Variants in BIN1 observed in about 807,000 individuals in gnomAD.
BIN1 encodes myc box-dependent-interacting protein 1.
In BIN1, 53 loss-of-function variants were observed where a neutral mutation model predicts 82.0. The observed-to-expected ratio is 0.65, with a 90% confidence interval of 0.52 to 0.81. BIN1 has a LOEUF of 0.81. Among genes scored for constraint, BIN1 ranks in the 40% least tolerant of loss-of-function variants. BIN1 has a pLI of 0.00. For missense variants in BIN1, 642 were observed against 784.4 expected (o/e 0.82, Z 2.17); for synonymous variants, 302 against 328.0 (o/e 0.92, Z 0.86).
chr2:127,106,986 G>A lies in BIN1; in HGVS notation c.-43C>T, dbSNP rs1357893566. On this transcript the variant is annotated 5_prime_UTR_variant, in exon 1 of 19. Coordinates refer to ENST00000316724, the MANE Select transcript of BIN1 (RefSeq NM_139343.3). ...CCGGTGGCAGGGGCCGCTCTCGCGC[G>A]GGGAGATCTTGCGCGCCGCGCTCCC... 8 of 1,577,390 alleles carry A rather than the reference G, an allele frequency of 5.1e-6. No homozygotes were observed. The East Asian group carries it at 1.5e-4, about 29-fold the overall frequency.
chr2:127,048,374 C>A lies in BIN1; in HGVS notation c.*152G>T, dbSNP rs1682439208. 2 of 723,056 alleles carry A rather than the reference C, an allele frequency of 2.8e-6. No homozygotes were observed. The highest frequency in any genetic ancestry group is 2.3e-6 in the Non-Finnish European group (1 of 431,496). The allele number at this position is 723,056 out of a possible 1,614,324, so 44.8% of individuals were successfully genotyped here. On this transcript the variant is annotated 3_prime_UTR_variant, in exon 19 of 19. Coordinates refer to ENST00000316724, the MANE Select transcript of BIN1 (RefSeq NM_139343.3). Reference sequence around the variant, plus strand: ...GCGGCTCTTTGGAAAACGACCTAATCTTTGGGAGAACGCCCCTCTGCCTGG... The same window carrying A: ...GCGGCTCTTTGGAAAACGACCTAATATTTGGGAGAACGCCCCTCTGCCTGG...
At chr2:127,050,393 C>T (rs776310891) in intron 18 of BIN1, 28 bp downstream of exon 18, 36 of 1,611,948 alleles carry the variant, frequency 2.2e-5, no homozygotes, top group South Asian at 3.3e-5. Flanking sequence ...GGTCCCCCTG[C>T]GCTCTGGCGG....
intron 1 of BIN1, among the ~76,000 whole-genome samples, chr2:127,099,411 C>A (rs1410507860): frequency 1.3e-5 from 2 of 152,006 alleles, no homozygotes; most frequent in African/African-American, 2.4e-5. Context: ...TCTTTCCCCC[C>A]CAGGAACATT....
At chr2:127,077,591 C>T (rs2105153556) in intron 1 of BIN1, among the ~76,000 whole-genome samples, 1 of 152,266 alleles carries the variant, frequency 6.6e-6, no homozygotes. Flanking sequence ...TCCTCCAATC[C>T]CAGAGCTCCA....
chr2:127,073,452 C>G (rs1294124139), intron 2 of BIN1, among the ~76,000 whole-genome samples: 1 of 152,190 alleles, frequency 6.6e-6, no homozygotes, highest in African/African-American at 2.4e-5. Context: ...AGCTACAGGA[C>G]TTGGGGGAGT....
At chr2:127,106,832 G>A (rs771424261) in intron 1 of BIN1, 28 bp downstream of exon 1, 1 of 1,577,586 alleles carries the variant, frequency 6.3e-7, no homozygotes, top group African/African-American at 1.4e-5. Context: ...CTGGGACTCC[G>A]CGGCTGCTGG....
intron 2 of BIN1, among the ~76,000 whole-genome samples, chr2:127,071,579 G>T (rs1685902514): frequency 6.6e-6 from 1 of 152,152 alleles, no homozygotes; most frequent in South Asian, 2.1e-4. Flanking sequence ...GTCCCTCTGG[G>T]ACATCAAAAC....
At chr2:127,056,950 C>G (rs1683759053) in intron 12 of BIN1, among the ~76,000 whole-genome samples, 1 of 152,226 alleles carries the variant, frequency 6.6e-6, no homozygotes, top group African/African-American at 2.4e-5. Context: ...GGGAGAGACC[C>G]AAGCCCCCCT....
At chr2:127,051,097 G>A (rs1048747444) in intron 16 of BIN1, 57 bp downstream of exon 16, 53 of 1,601,608 alleles carry the variant, frequency 3.3e-5, no homozygotes, top group Admixed American at 5.0e-5. Context: ...GGGGAGCCCC[G>A]GACAGGCAGG....
intron 13 of BIN1, chr2:127,053,673 AG>A (rs1250878329): frequency 1.4e-6 from 1 of 724,334 alleles, no homozygotes; most frequent in East Asian, 2.7e-5. Flanking sequence ...CCAAGCGATG[AG>A]CACAAAGTTG....
intron 18 of BIN1, among the ~76,000 whole-genome samples, chr2:127,049,909 A>G (rs540174032): frequency 2.9e-4 from 44 of 152,318 alleles, no homozygotes; most frequent in Middle Eastern, 3.4e-3. Context: ...TCAGCCGGGG[A>G]CACAGCTGGG....
chr2:127,086,279 T>C (rs1203432439), intron 1 of BIN1, among the ~76,000 whole-genome samples: 1 of 152,100 alleles, frequency 6.6e-6, no homozygotes, highest in Non-Finnish European at 1.5e-5. Context: ...ACACAGACAC[T>C]GGGGGGAGCG....
rs560475985 is a variant in BIN1, at chr2:127,082,432, A to C, written c.85-5726T>G. ...GCACTCAGCTGGGGATACCAGGGAC[A>C]TCGCAGGACAAGTCTGCACCGAGAC... On this transcript the variant is annotated intron_variant, in intron 1 of 18. Transcript: ENST00000316724. This position sits in a 1 kb window ranked among gnomAD's most constrained non-coding sequence, Gnocchi z 6.1. Among the ~76,000 whole-genome samples, 16 of 152,200 alleles carry C rather than the reference A, an allele frequency of 1.1e-4. No individual in the cohort carries two copies. The highest frequency in any genetic ancestry group is 3.9e-4 in the African/African-American group (16 of 41,520).
In BIN1 at chr2:127,051,216, C is replaced by T. The variant is rs772939462; in HGVS notation, c.1399G>A (p.Gly467Arg). 1.9e-6 allele frequency: 3 copies of T among 1,613,644 alleles called. No homozygotes were observed. The highest frequency in any genetic ancestry group is 1.7e-5 in the Admixed American group (1 of 60,008). The stretch of plus-strand genomic sequence containing the variant: ...TGGGCTCCAGCCGCAGGTTGGGTCC[C>T]ACCCGCCACCTCCGAGGCCTCTGCT... ...QPAEASEVAG[G>R]TQPAAGAQEP... Residue 467 changes from glycine to arginine, a missense_variant, in exon 16 of 19, where the codon GGG becomes AGG. Transcript: ENST00000316724.
chr2:127,052,454 C>A, intron 14 of BIN1, 92 bp from the exon 15 acceptor site: 2 of 1,269,282 alleles, frequency 1.6e-6, no homozygotes, highest in Non-Finnish European at 2.2e-6. Context: ...GAGAAAATGT[C>A]ACCAGCGGCT....
At chr2:127,103,605 A>G (rs1680626907) in intron 1 of BIN1, among the ~76,000 whole-genome samples, 1 of 152,126 alleles carries the variant, frequency 6.6e-6, no homozygotes, top group African/African-American at 2.4e-5. Flanking sequence ...AGAAAGGCCC[A>G]GCTCCGTCAG....
rs1558806483 is a variant in BIN1, at chr2:127,057,315, G to A, written c.1131+158C>T. On this transcript the variant is annotated intron_variant, in intron 12 of 18. Coordinates refer to ENST00000316724, the MANE Select transcript of BIN1 (RefSeq NM_139343.3). The surrounding 1 kb of genome is among the most constrained non-coding windows in gnomAD (Gnocchi z 5.0). ...GAGATGGGTGATGGAGGATGATGGAGGATGATGGATGGAGGGAACAAAGGG... is the reference window on the plus strand; with the variant it reads ...GAGATGGGTGATGGAGGATGATGGAAGATGATGGATGGAGGGAACAAAGGG... Among the ~76,000 whole-genome samples, 1 of 152,204 alleles carries A rather than the reference G, an allele frequency of 6.6e-6. No individual in the cohort carries two copies. The highest frequency in any genetic ancestry group is 2.1e-4 in the South Asian group (1 of 4,834).
At chr2:127,074,253 T>G (rs948146975) in intron 2 of BIN1, among the ~76,000 whole-genome samples, 28 of 152,012 alleles carry the variant, frequency 1.8e-4, no homozygotes, top group African/African-American at 6.8e-4. Flanking sequence ...CCAACAACAG[T>G]GACCTTCACC....
In BIN1 at chr2:127,097,004, A is replaced by T. The variant is rs573384621; in HGVS notation, c.84+9856T>A. ...TGGTGGAAACCCCTCGCTGCCAGAC[A>T]CTGCCCCCATCTCCATCCACACAAC... On this transcript the variant is annotated intron_variant, in intron 1 of 18. Coordinates refer to ENST00000316724, the MANE Select transcript of BIN1 (RefSeq NM_139343.3). Among the ~76,000 whole-genome samples, 72 of 152,246 alleles carry T rather than the reference A, an allele frequency of 4.7e-4. 2 individuals are homozygous for T. In the South Asian group the frequency reaches 0.014, roughly 29 times the overall value.
Sources: allele counts gnomAD v4.1 joint callset (sites outside exome capture counted in the v4.1 genomes callset), GRCh38; gene constraint gnomAD v4.1.1; non-coding constraint Gnocchi (gnomAD v3.1); transcripts MANE v1.5; gene names NCBI Gene and HGNC (gene_info 2026-07-23, HGNC 2026-07-21).